Variants in MSRB3 observed in about 807,000 individuals in gnomAD.
The protein encoded by MSRB3 is methionine-R-sulfoxide reductase B3.
Under a neutral mutation model 21.0 loss-of-function variants are expected in MSRB3, and 13 were observed. The ratio of observed to expected loss-of-function variants is 0.62; its 90% CI spans 0.40 to 0.98. MSRB3 has a LOEUF of 0.98. MSRB3 is among the 50% of genes least tolerant of loss of function. The pLI, the probability that MSRB3 is intolerant of heterozygous loss-of-function variation, is 0.00. For synonymous variants in MSRB3, 87 were observed against 88.6 expected, an observed-to-expected ratio of 0.98 and a Z score of 0.10; for missense variants, 199 against 230.3, an observed-to-expected ratio of 0.86 and a Z score of 0.88.
intron 2 of MSRB3, among the ~76,000 whole-genome samples, chr12:65,315,634 C>T (rs1267318448): frequency 7.1e-6 from 1 of 141,136 alleles, no homozygotes; most frequent in Admixed American, 7.5e-5. Flanking sequence ...TATGATTGCA[C>T]TCCAGCCTGG....
intron 5 of MSRB3, among the ~76,000 whole-genome samples, chr12:65,422,683 C>A (rs1026298890): frequency 9.3e-5 from 14 of 151,198 alleles, no homozygotes; most frequent in African/African-American, 3.2e-4. Context: ...TTCTTTTAAT[C>A]CGTGAACATA....
intron 5 of MSRB3, among the ~76,000 whole-genome samples, chr12:65,369,970 C>T (rs1466711256): frequency 1.3e-5 from 2 of 152,098 alleles, no homozygotes; most frequent in African/African-American, 4.8e-5. Flanking sequence ...AAGGAGACAA[C>T]ACACTTTTTC....
rs143333399 is a variant in MSRB3, at chr12:65,328,574, A to G, written c.234A>G (p.Lys78=). 117 of 1,612,682 alleles carry G rather than the reference A, an allele frequency of 7.3e-5. No homozygotes were observed. In the Middle Eastern group the frequency reaches 9.9e-4, roughly 14 times the overall value. Residue 78 remains lysine (K), a synonymous_variant, in exon 4 of 7, where the codon AAA becomes AAG. Transcript: ENST00000308259. The part of the protein sequence containing the change: ...YTHHKDPGIY[K]CVVCGTPLFK... ...ATCACAAAGATCCTGGAATATATAA[A>G]TGTGTTGTTTGTGGAACTCCATTGT...
intron 4 of MSRB3, among the ~76,000 whole-genome samples, chr12:65,335,248 CA>C (rs1875687312): frequency 6.6e-6 from 1 of 152,194 alleles, no homozygotes; most frequent in African/African-American, 2.4e-5. Flanking sequence ...ACTATCACAG[CA>C]GCCTAAAAAA....
At chr12:65,388,217 A>G (rs868373661) in intron 5 of MSRB3, among the ~76,000 whole-genome samples, 6 of 152,276 alleles carry the variant, frequency 3.9e-5, no homozygotes, top group African/African-American at 1.4e-4. Context: ...GTTATTCTCT[A>G]CAGTGCTTTT....
chr12:65,290,619 C>A (rs991137877), intron 1 of MSRB3, among the ~76,000 whole-genome samples: 1 of 152,054 alleles, frequency 6.6e-6, no homozygotes, highest in East Asian at 1.9e-4. Flanking sequence ...GAAAAGTATG[C>A]CTTATTTGTT....
intron 1 of MSRB3, among the ~76,000 whole-genome samples, chr12:65,288,487 C>T (rs1196248833): frequency 6.6e-6 from 1 of 152,100 alleles, no homozygotes; most frequent in Non-Finnish European, 1.5e-5. Flanking sequence ...CATCTAAGAT[C>T]TTATGTTTGA....
intron 5 of MSRB3, among the ~76,000 whole-genome samples, chr12:65,438,516 AG>A (rs1221903029): frequency 1.3e-5 from 2 of 152,016 alleles, no homozygotes; most frequent in Non-Finnish European, 2.9e-5. Flanking sequence ...CCGAACTTTA[AG>A]GATAAACACA....
chr12:65,449,205 ATTTT>A (rs11313276), intron 5 of MSRB3, among the ~76,000 whole-genome samples: 1 of 139,860 alleles, frequency 7.2e-6, no homozygotes. Context: ...ATTTTTTTGT[ATTTT>A]TTTTTTTTTT....
chr12:65,347,054 C>T (rs955836445), intron 4 of MSRB3, among the ~76,000 whole-genome samples: 1 of 152,056 alleles, frequency 6.6e-6, no homozygotes, highest in Non-Finnish European at 1.5e-5. Flanking sequence ...CTTAGGATTG[C>T]CTTGGCAATG....
chr12:65,387,423 G>C (rs968707621), intron 5 of MSRB3, among the ~76,000 whole-genome samples: 2 of 151,898 alleles, frequency 1.3e-5, no homozygotes, highest in Non-Finnish European at 2.9e-5. Flanking sequence ...TTGCCTATCT[G>C]ATAGGTAAAA....
chr12:65,428,080 TG>T (rs1055248047), intron 5 of MSRB3, among the ~76,000 whole-genome samples: 7 of 152,238 alleles, frequency 4.6e-5, no homozygotes, highest in Admixed American at 2.0e-4. Context: ...CTTGGGTTGG[TG>T]AGGTGTGTGT....
chr12:65,406,562 A>G (rs998067536), intron 5 of MSRB3, among the ~76,000 whole-genome samples: 2 of 152,182 alleles, frequency 1.3e-5, no homozygotes, highest in Non-Finnish European at 2.9e-5. Flanking sequence ...TCCAAATAAC[A>G]TTTTTCACAG....
chr12:65,403,298 C>T (rs1880233329), intron 5 of MSRB3, among the ~76,000 whole-genome samples: 1 of 152,232 alleles, frequency 6.6e-6, no homozygotes, highest in South Asian at 2.1e-4. Flanking sequence ...CAGAGATTCC[C>T]TGCCCAGAGA....
chr12:65,350,199 T>G (rs1338754834), intron 4 of MSRB3, among the ~76,000 whole-genome samples: 5 of 151,680 alleles, frequency 3.3e-5, no homozygotes, highest in Admixed American at 2.0e-4. Flanking sequence ...TTCTCAGGTT[T>G]GTCAAAGATC....
At chr12:65,440,029 C>T (rs1384286498) in intron 5 of MSRB3, among the ~76,000 whole-genome samples, 2 of 151,696 alleles carry the variant, frequency 1.3e-5, no homozygotes, top group African/African-American at 2.4e-5. Flanking sequence ...AGAGCAGACT[C>T]GTAGACAACA....
intron 4 of MSRB3, among the ~76,000 whole-genome samples, chr12:65,364,863 T>A (rs1016813666): frequency 6.6e-6 from 1 of 152,218 alleles, no homozygotes; most frequent in Non-Finnish European, 1.5e-5. Flanking sequence ...TAACTTCTAT[T>A]ATCATGTTTT....
intron 4 of MSRB3, among the ~76,000 whole-genome samples, chr12:65,366,273 A>T (rs1401269182): frequency 1.3e-5 from 2 of 152,100 alleles, no homozygotes; most frequent in East Asian, 3.9e-4. Flanking sequence ...AGGCTCTTTC[A>T]TTCAGCTGAC....
chr12:65,328,462 G>A, intron 3 of MSRB3, 64 bp from the exon 4 acceptor site: 2 of 1,147,912 alleles, frequency 1.7e-6, no homozygotes, highest in Non-Finnish European at 1.3e-6. Flanking sequence ...TATATTTTAA[G>A]CAAATACATT....
Sources: allele counts gnomAD v4.1 joint callset (sites outside exome capture counted in the v4.1 genomes callset), GRCh38; gene constraint gnomAD v4.1.1; transcripts MANE v1.5; gene names NCBI Gene and HGNC (gene_info 2026-07-23, HGNC 2026-07-21).